The following TTC28 variants were observed in gnomAD, a reference collection of about 807,000 sequenced individuals.
TTC28 encodes tetratricopeptide repeat protein 28.
In TTC28, 61 loss-of-function variants were observed where a neutral mutation model predicts 198.0. That is an observed-to-expected ratio of 0.31 (90% CI 0.25 to 0.38). TTC28 has a LOEUF of 0.38. Among genes scored for constraint, TTC28 ranks in the 10% least tolerant of loss-of-function variants. The probability of loss-of-function intolerance (pLI) is 1.00; values close to 1 mark genes in which losing one functional copy is unlikely to be tolerated. For synonymous variants in TTC28, 1,171 were observed against 1,297.8 expected (o/e 0.90, Z 2.10); for missense variants, 2,678 against 3,164.0 (o/e 0.85, Z 3.69).
At chr22:28,310,600 C>T (rs993729187) in intron 2 of TTC28, among the ~76,000 whole-genome samples, 5 of 151,828 alleles carry the variant, frequency 3.3e-5, no homozygotes, top group Non-Finnish European at 5.9e-5. Flanking sequence ...AAATGAGTAA[C>T]GAGGTAAACT....
chr22:28,379,210 C>T (rs2046459274), intron 2 of TTC28, among the ~76,000 whole-genome samples: 1 of 152,034 alleles, frequency 6.6e-6, no homozygotes, highest in Non-Finnish European at 1.5e-5. Context: ...GATTTGGAAA[C>T]AGTGTGATGG....
chr22:28,108,311 C>T lies in TTC28; in HGVS notation c.1534G>A (p.Ala512Thr). ...CIAQELSDYA[A>T]QGRAYGNMGN... ...ATATTCCCATAGGCACGGCCCTGGGCAGCATAATCACTCAGCTCCTGGGCA... is the reference window on the plus strand; with the variant it reads ...ATATTCCCATAGGCACGGCCCTGGGTAGCATAATCACTCAGCTCCTGGGCA... The change falls in exon 7 of 23, where the codon GCC (alanine) becomes ACC (threonine). Residue 512 changes from alanine to threonine, a missense_variant. Transcript: ENST00000397906. 1.3e-6 allele frequency: 2 copies of T among 1,531,384 alleles called. No individual in the cohort carries two copies. The highest frequency in any genetic ancestry group is 8.8e-7 in the Non-Finnish European group (1 of 1,132,508). The allele number at this position is 1,531,384 out of a possible 1,614,324, so 94.9% of individuals were successfully genotyped here.
intron 2 of TTC28, among the ~76,000 whole-genome samples, chr22:28,377,949 T>C (rs965734388): frequency 3.3e-5 from 5 of 152,144 alleles, no homozygotes; most frequent in Non-Finnish European, 7.4e-5. Flanking sequence ...ATTCTATATG[T>C]TCAAGAAGCT....
intron 2 of TTC28, among the ~76,000 whole-genome samples, chr22:28,465,363 C>A (rs989157763): frequency 1.3e-5 from 2 of 152,098 alleles, no homozygotes; most frequent in Non-Finnish European, 2.9e-5. Context: ...CCGTGGCTCA[C>A]TCCTGTAATC....
intron 2 of TTC28, among the ~76,000 whole-genome samples, chr22:28,354,519 G>A (rs1313903379): frequency 6.6e-6 from 1 of 152,110 alleles, no homozygotes; most frequent in Non-Finnish European, 1.5e-5. Flanking sequence ...TCAGGGGCTG[G>A]GGGAGGAAGA....
At chr22:28,653,835 C>T (rs558587831) in intron 1 of TTC28, among the ~76,000 whole-genome samples, 6 of 152,260 alleles carry the variant, frequency 3.9e-5, no homozygotes, top group African/African-American at 1.2e-4. Context: ...TTAATTTGCA[C>T]GGCCCCAGAC....
At chr22:28,067,612 T>C (rs1203167470) in intron 12 of TTC28, among the ~76,000 whole-genome samples, 1 of 152,176 alleles carries the variant, frequency 6.6e-6, no homozygotes, top group Non-Finnish European at 1.5e-5. Flanking sequence ...GGAAAGGAAC[T>C]GTGTTTTTGC....
At chr22:28,290,254 G>C (rs972333431) in intron 5 of TTC28, among the ~76,000 whole-genome samples, 7 of 152,058 alleles carry the variant, frequency 4.6e-5, no homozygotes, top group African/African-American at 1.7e-4. Context: ...TCAAAATGAT[G>C]CAAAAGGGCA....
rs143588722 is a variant in TTC28 at position 28,298,638 on chromosome 22, A to G, written c.530-786T>C. 1.4e-3 allele frequency among the ~76,000 whole-genome samples: 220 copies of G among 152,234 alleles called. 2 individuals carry two copies. The highest frequency in any genetic ancestry group is 2.6e-3 in the Non-Finnish European group (178 of 68,012). On this transcript the variant is annotated intron_variant, in intron 3 of 22. Transcript: ENST00000397906. The stretch of plus-strand genomic sequence containing the variant: ...TAATTTTCAAAAAATTTTTGTAGAG[A>G]TGAGGTCTCATTAGGTTGCTCAGGC...
chr22:28,325,191 G>A (rs1408187146), intron 2 of TTC28, among the ~76,000 whole-genome samples: 3 of 151,556 alleles, frequency 2.0e-5, no homozygotes, highest in African/African-American at 4.8e-5. Context: ...ACTTCTTCCT[G>A]GTTTAGTCTT....
At position 28,035,558 on chromosome 22, in the gene TTC28, A is replaced by T. The variant is rs545385945; in HGVS notation, c.3933-5192T>A. Reference sequence around the variant, plus strand: ...AAGCAGAGGGTATCCTGGGGATCTGAAAAGGTGCACAGATGACAATACCAT... The same window carrying T: ...AAGCAGAGGGTATCCTGGGGATCTGTAAAGGTGCACAGATGACAATACCAT... On this transcript the variant is annotated intron_variant, in intron 12 of 22. Coordinates refer to ENST00000397906, the MANE Select transcript of TTC28 (RefSeq NM_001145418.2). Among the ~76,000 whole-genome samples the T allele has an allele frequency of 3.7e-3, 566 of 152,302 alleles. 3 individuals are homozygous for T. The highest frequency in any genetic ancestry group is 0.013 in the African/African-American group (525 of 41,556).
At chr22:28,675,666 G>A (rs1280696198) in intron 1 of TTC28, among the ~76,000 whole-genome samples, 12 of 151,476 alleles carry the variant, frequency 7.9e-5, no homozygotes, top group Admixed American at 7.9e-4. Context: ...TGAGCCCAGG[G>A]AGGTCCAGGC....
At chr22:28,300,861 T>C (rs2045006872) in intron 3 of TTC28, among the ~76,000 whole-genome samples, 2 of 152,126 alleles carry the variant, frequency 1.3e-5, no homozygotes, top group Non-Finnish European at 2.9e-5. Flanking sequence ...GGGAAGGAAG[T>C]TGATGTGAAA....
intron 2 of TTC28, among the ~76,000 whole-genome samples, chr22:28,409,198 A>G (rs954605854): frequency 6.6e-6 from 1 of 152,238 alleles, no homozygotes; most frequent in Non-Finnish European, 1.5e-5. Flanking sequence ...TAAAAAAGAG[A>G]TCACTCTCAT....
chr22:28,081,617 T>C (rs534873397), intron 12 of TTC28, among the ~76,000 whole-genome samples: 12 of 152,070 alleles, frequency 7.9e-5, no homozygotes, highest in African/African-American at 2.9e-4. Flanking sequence ...TTCAGCCTCC[T>C]GAGTAGCTGG....
At position 28,112,243 on chromosome 22, in the gene TTC28, T is replaced by G. The variant is rs138309481; in HGVS notation, c.1442-3840A>C. ...GTATCTAAACCTAGTAGGACCAGTA[T>G]TTAGAGAGTGAGAAAAAGGAAAGGA... On this transcript the variant is annotated intron_variant, in intron 6 of 22. Transcript: ENST00000397906. Among the ~76,000 whole-genome samples, 546 of 152,322 alleles carry G rather than the reference T, an allele frequency of 3.6e-3. 2 individuals are homozygous for G. Among genetic ancestry groups the G allele is most frequent in the African/African-American group, 0.012 (510 of 41,580 alleles).
At chr22:28,596,339 G>A (rs963917745) in intron 2 of TTC28, among the ~76,000 whole-genome samples, 2 of 152,052 alleles carry the variant, frequency 1.3e-5, no homozygotes, top group African/African-American at 4.8e-5. Context: ...CACAGAGGTG[G>A]GCAGAGACCA....
chr22:28,019,253 T>TA (rs1183588857), intron 13 of TTC28, among the ~76,000 whole-genome samples: 2 of 152,202 alleles, frequency 1.3e-5, no homozygotes. Flanking sequence ...CTAGGGTTTT[T>TA]AAAAAATTTT....
At chr22:28,427,276 CTT>C (rs2047363701) in intron 2 of TTC28, among the ~76,000 whole-genome samples, 1 of 152,166 alleles carries the variant, frequency 6.6e-6, no homozygotes, top group African/African-American at 2.4e-5. Context: ...ATATTTTTCT[CTT>C]AACATCTTTC....
Sources: allele counts gnomAD v4.1 joint callset (sites outside exome capture counted in the v4.1 genomes callset), GRCh38; gene constraint gnomAD v4.1.1; transcripts MANE v1.5; gene names NCBI Gene and HGNC (gene_info 2026-07-23, HGNC 2026-07-21).